Variants in PDE1A observed in about 807,000 individuals in gnomAD.
The protein encoded by PDE1A is phosphodiesterase 1A, also known as dual specificity calcium/calmodulin-dependent 3',5'-cyclic nucleotide phosphodiesterase 1A.
PDE1A carries 35 observed loss-of-function variants against 61.7 expected under a neutral mutation model. That is an observed-to-expected ratio of 0.57 (90% CI 0.43 to 0.75). The LOEUF is 0.75. PDE1A is among the 30% of genes least tolerant of loss of function. PDE1A has a pLI of 0.00. For synonymous variants in PDE1A, 232 were observed against 213.2 expected, an observed-to-expected ratio of 1.09 and a Z score of -0.77; for missense variants, 597 against 630.6, an observed-to-expected ratio of 0.95 and a Z score of 0.57.
chr2:182,156,144 A>G (rs1006354721), intron 13 of PDE1A, among the ~76,000 whole-genome samples: 1 of 152,204 alleles, frequency 6.6e-6, no homozygotes, highest in Non-Finnish European at 1.5e-5. Flanking sequence ...AAGTGTTACT[A>G]TAGCTCAAAT....
rs969970753 is a variant in PDE1A at position 182,156,984 on chromosome 2, TTTA to T, written c.1517-9835_1517-9833del. 4.5e-4 allele frequency among the ~76,000 whole-genome samples: 68 copies of T among 150,132 alleles called. 1 individual carries two copies. The highest frequency in any genetic ancestry group is 1.3e-3 in the African/African-American group (53 of 41,184). ...TTTGTTTCGTTGAATTTTTTATTTT[TTTA>T]TTATTATTATTATTTTATTTTATTT... On this transcript the variant is annotated intron_variant, in intron 13 of 13. Coordinates refer to the PDE1A transcript ENST00000409365.
chr2:182,526,462 A>C (rs1315952358), upstream of PDE1A, among the ~76,000 whole-genome samples: 1 of 152,196 alleles, frequency 6.6e-6, no homozygotes, highest in Non-Finnish European at 1.5e-5. Flanking sequence ...TCCCAGAAAG[A>C]TAGAAACCAT....
chr2:182,431,294 T>G (rs141108811), upstream of PDE1A, among the ~76,000 whole-genome samples: 11 of 152,158 alleles, frequency 7.2e-5, no homozygotes, highest in East Asian at 2.1e-3. Flanking sequence ...AAAGATAAAG[T>G]GTGCATGTGA....
At chr2:182,364,577 C>A (rs1699731354) in intron 1 of PDE1A, among the ~76,000 whole-genome samples, 2 of 145,902 alleles carry the variant, frequency 1.4e-5, no homozygotes, top group Non-Finnish European at 3.0e-5. Flanking sequence ...TTCAGGACAG[C>A]ATAGCATTAA....
intron 1 of PDE1A, among the ~76,000 whole-genome samples, chr2:182,325,893 T>G (rs1487362938): frequency 6.6e-6 from 1 of 152,168 alleles, no homozygotes; most frequent in Non-Finnish European, 1.5e-5. Flanking sequence ...CACTCCAACC[T>G]GGGTGACAGA....
downstream of PDE1A, among the ~76,000 whole-genome samples, chr2:182,143,518 T>G (rs1690329686): frequency 6.6e-6 from 1 of 151,996 alleles, no homozygotes; most frequent in Non-Finnish European, 1.5e-5. Context: ...TTTATTTTAT[T>G]TTATTTGTTT....
intron 1 of PDE1A, among the ~76,000 whole-genome samples, chr2:182,407,692 C>T (rs1273377121): frequency 6.6e-6 from 1 of 152,054 alleles, no homozygotes; most frequent in Non-Finnish European, 1.5e-5. Context: ...ACATACTTTA[C>T]GTAGCATATT....
the PDE1A span, among the ~76,000 whole-genome samples, chr2:182,709,524 T>G: frequency 6.8e-3 from 1,034 of 152,298 alleles, 15 homozygotes; most frequent in Non-Finnish European, 7.7e-3. Context: ...CAATGAAACG[T>G]AATTATAATA....
chr2:182,619,500 G>A, the PDE1A span, among the ~76,000 whole-genome samples: 1 of 152,048 alleles, frequency 6.6e-6, no homozygotes, highest in African/African-American at 2.4e-5. Flanking sequence ...AGCAGAATTT[G>A]TCAGAGCCAC....
the PDE1A span, among the ~76,000 whole-genome samples, chr2:182,692,071 T>C: frequency 6.6e-6 from 1 of 152,180 alleles, no homozygotes; most frequent in Non-Finnish European, 1.5e-5. Flanking sequence ...TTTACACTGT[T>C]GGTAGGACTG....
chr2:182,370,042 T>C (rs1700043806), intron 1 of PDE1A, among the ~76,000 whole-genome samples: 1 of 151,906 alleles, frequency 6.6e-6, no homozygotes, highest in Admixed American at 6.6e-5. Context: ...CCGGGCGTGG[T>C]GGTGGCCGCC....
chr2:182,421,772 C>T (rs1205843097), intron 1 of PDE1A, among the ~76,000 whole-genome samples: 3 of 152,156 alleles, frequency 2.0e-5, no homozygotes, highest in African/African-American at 7.2e-5. Flanking sequence ...ATCTGCCTTA[C>T]ACTCAAATGT....
At chr2:182,698,648 A>G in the PDE1A span, among the ~76,000 whole-genome samples, 1 of 152,236 alleles carries the variant, frequency 6.6e-6, no homozygotes, top group African/African-American at 2.4e-5. Flanking sequence ...TGATGACATA[A>G]AAGTGCTCAT....
chr2:182,396,913 T>C (rs953881561), intron 1 of PDE1A, among the ~76,000 whole-genome samples: 2 of 152,216 alleles, frequency 1.3e-5, no homozygotes, highest in African/African-American at 4.8e-5. Context: ...TCTGGTTGTA[T>C]TGACTGGGAA....
chr2:182,635,977 A>C, the PDE1A span, among the ~76,000 whole-genome samples: 1 of 86,008 alleles, frequency 1.2e-5, no homozygotes, highest in African/African-American at 5.3e-5. Context: ...TTTTTTTGAG[A>C]CAGAGTCTTG....
chr2:182,319,010 C>T (rs1696532226), intron 1 of PDE1A, among the ~76,000 whole-genome samples: 1 of 152,062 alleles, frequency 6.6e-6, no homozygotes, highest in Non-Finnish European at 1.5e-5. Context: ...TTTCATCACC[C>T]TCTCTCTCAT....
chr2:182,693,075 G>C, the PDE1A span, among the ~76,000 whole-genome samples: 1 of 152,036 alleles, frequency 6.6e-6, no homozygotes, highest in African/African-American at 2.4e-5. Context: ...GGGTGACAGA[G>C]AGAGACCCTG....
chr2:182,465,120 G>A (rs1397425177), intron 2 of PDE1A, among the ~76,000 whole-genome samples: 1 of 151,988 alleles, frequency 6.6e-6, no homozygotes, highest in East Asian at 1.9e-4. Context: ...AATAAACTGT[G>A]ATGGCTAGCG....
chr2:182,264,541 C>A, intron 1 of PDE1A, 127 bp from the exon 2 acceptor site: 1 of 599,462 alleles, frequency 1.7e-6, no homozygotes, highest in Non-Finnish European at 2.9e-6. Flanking sequence ...CAACAAATAG[C>A]ATTATTTTCA....
Sources: allele counts gnomAD v4.1 joint callset (sites outside exome capture counted in the v4.1 genomes callset), GRCh38; gene constraint gnomAD v4.1.1; transcripts MANE v1.5; gene names NCBI Gene and HGNC (gene_info 2026-07-23, HGNC 2026-07-21).